C10orf71: variants seen among roughly 807,000 people sequenced by gnomAD.
C10orf71 encodes cardiac-enriched FHL2-interacting protein.
For synonymous variants in C10orf71, 758 were observed against 726.3 expected (o/e 1.04, Z -0.70); for missense variants, 1,869 against 1,804.5 (o/e 1.04, Z -0.65).
intron 2 of C10orf71, among the ~76,000 whole-genome samples, 170 bp downstream of exon 2, chr10:49,316,417 C>A (rs1404597564): frequency 3.3e-5 from 5 of 152,146 alleles, no homozygotes; most frequent in Non-Finnish European, 7.4e-5. Context: ...CTGAATAAAG[C>A]TAGCAACATG....
chr10:49,318,160 G>A (rs1849031063), intron 2 of C10orf71, among the ~76,000 whole-genome samples: 1 of 152,254 alleles, frequency 6.6e-6, no homozygotes, highest in African/African-American at 2.4e-5. Context: ...GCAGGAAGAA[G>A]AGCACTGACA....
In C10orf71 at chr10:49,327,412, C is replaced by G. The variant is rs1041126850; in HGVS notation, c.*559C>G. On this transcript the variant is annotated 3_prime_UTR_variant, in exon 3 of 3. Coordinates refer to ENST00000374144, the MANE Select transcript of C10orf71 (RefSeq NM_001135196.2). Reference sequence around the variant, plus strand: ...AATGGGTTTCCTTCACAGGGAGAAACTTGCCTCTGAAAGCTATTTTCTGAT... The same window carrying G: ...AATGGGTTTCCTTCACAGGGAGAAAGTTGCCTCTGAAAGCTATTTTCTGAT... 2 of 172,320 alleles carry G rather than the reference C, an allele frequency of 1.2e-5. No individual in the cohort carries two copies. Among genetic ancestry groups the G allele is most frequent in the Non-Finnish European group, 1.4e-5 (1 of 71,464 alleles). 10.7% of individuals were successfully genotyped at this position (172,320 alleles called of 1,614,324 possible).
intron 1 of C10orf71, among the ~76,000 whole-genome samples, chr10:49,299,848 A>G (rs2132391699): frequency 6.6e-6 from 1 of 152,332 alleles, no homozygotes; most frequent in East Asian, 1.9e-4. Context: ...GCGCTGGGCC[A>G]GGCAGGGTCA....
chr10:49,309,195 A>G (rs1848868961), intron 1 of C10orf71, among the ~76,000 whole-genome samples: 1 of 152,188 alleles, frequency 6.6e-6, no homozygotes, highest in Non-Finnish European at 1.5e-5. Context: ...GTTGGCTGCT[A>G]TGGGCTGAAT....
chr10:49,324,272 C>T lies in C10orf71; in HGVS notation c.1727C>T (p.Pro576Leu), dbSNP rs1462608470. ...TASHINPQKD[P>L]TADPSEPSAD... Reference sequence around the variant, plus strand: ...TCACACATCAATCCCCAGAAGGACCCTACAGCTGACCCCAGTGAGCCCTCT... The same window carrying T: ...TCACACATCAATCCCCAGAAGGACCTTACAGCTGACCCCAGTGAGCCCTCT... The change falls in exon 3 of 3, where the codon CCT becomes CTT. Residue 576 changes from proline (P) to leucine (L), a missense_variant. Coordinates refer to ENST00000374144, the MANE Select transcript of C10orf71 (RefSeq NM_001135196.2). The T allele has an allele frequency of 6.2e-7, 1 of 1,613,844 alleles. No individual in the cohort carries two copies. The highest frequency in any genetic ancestry group is 1.3e-5 in the African/African-American group (1 of 74,908).
rs199866549 is a variant in C10orf71 at position 49,322,716 on chromosome 10, G to A, written c.171G>A (p.Pro57=). ...SFHDSYLAVS[P]DITRQVFGTF... ...ATGACTCCTATCTGGCTGTGTCCCC[G>A]GATATCACCCGACAGGTGTTTGGGA... is the stretch of plus-strand genomic sequence containing the variant. Residue 57 remains proline (P), a synonymous_variant, in exon 3 of 3, where the codon CCG becomes CCA. Transcript: ENST00000374144. 37 of 1,613,958 alleles carry A rather than the reference G, an allele frequency of 2.3e-5. No homozygotes were observed. Among genetic ancestry groups the A allele is most frequent in the Non-Finnish European group, 2.6e-5 (31 of 1,179,880 alleles).
At chr10:49,299,679 T>C (rs1848691893) in intron 1 of C10orf71, among the ~76,000 whole-genome samples, 1 of 152,200 alleles carries the variant, frequency 6.6e-6, no homozygotes, top group Non-Finnish European at 1.5e-5. Context: ...CGTGTACATG[T>C]GTGACTTTGT....
Position 49,325,288 on chromosome 10 carries a change from G to T in C10orf71, c.2743G>T (p.Gly915Cys). 2 of 1,551,726 alleles carry T rather than the reference G, an allele frequency of 1.3e-6. No individual in the cohort carries two copies. Among genetic ancestry groups the T allele is most frequent in the South Asian group, 2.4e-5 (2 of 84,042 alleles). The change falls in exon 3 of 3, where the codon GGT becomes TGT. Residue 915 changes from glycine (G) to cysteine (C), a missense_variant. Physicochemically the swap from Gly to Cys is radical, Grantham distance 159. Transcript: ENST00000374144. ...TGCCCCCGAAAACCAGGACATTCTT[G>T]GTACATCGACACCCACTAACACACG... is the stretch of plus-strand genomic sequence containing the variant. ...FCAPENQDIL[G>C]TSTPTNTRGT...
intron 1 of C10orf71, among the ~76,000 whole-genome samples, chr10:49,311,202 T>C (rs1022020740): frequency 6.6e-6 from 1 of 152,188 alleles, no homozygotes; most frequent in Non-Finnish European, 1.5e-5. Flanking sequence ...CCAGTGGGGC[T>C]CTGGTCCTAT....
At position 49,326,546 on chromosome 10, in the gene C10orf71, T is replaced by C. The variant is rs1849254125; in HGVS notation, c.4001T>C (p.Leu1334Pro). Residue 1334 changes from leucine (L) to proline (P), a missense_variant, in exon 3 of 3, where the codon CTG becomes CCG. Transcript: ENST00000374144. ...PPDALAAPYV[L>P]YPGFQPVPVT... ...GACGCCCTGGCCGCTCCCTATGTGC[T>C]GTACCCCGGCTTCCAGCCAGTGCCC... 2.6e-6 allele frequency: 4 copies of C among 1,550,524 alleles called. No homozygotes were observed. Among genetic ancestry groups the C allele is most frequent in the African/African-American group, 1.4e-5 (1 of 73,116 alleles).
In C10orf71 at chr10:49,325,591, C is replaced by A. The variant is rs1849214754; in HGVS notation, c.3046C>A (p.Pro1016Thr). 1 of 1,550,586 alleles carries A rather than the reference C, an allele frequency of 6.4e-7. No individual in the cohort carries two copies. Among genetic ancestry groups the A allele is most frequent in the Admixed American group, 2.0e-5 (1 of 50,994 alleles). The stretch of plus-strand genomic sequence containing the variant: ...CGAGGGTGACATAGAAGACCAGCCA[C>A]CCCCATGGCAGCCCGAAAACTGTTG... Reference protein sequence around the residue: ...LPEGDIEDQPPPWQPENCWEE... With the variant: ...LPEGDIEDQPTPWQPENCWEE... The change falls in exon 3 of 3, where the codon CCC becomes ACC. Residue 1016 changes from proline (P) to threonine (T), a missense_variant. Pro to Thr is a conservative substitution (Grantham distance 38). Transcript: ENST00000374144.
At chr10:49,313,703 G>A (rs979120730) in intron 1 of C10orf71, among the ~76,000 whole-genome samples, 1 of 152,190 alleles carries the variant, frequency 6.6e-6, no homozygotes, top group Admixed American at 6.5e-5. Flanking sequence ...CTGGGAGGAG[G>A]AGGAGGAGGA....
At chr10:49,306,801 G>A (rs781286324) in intron 1 of C10orf71, among the ~76,000 whole-genome samples, 170 of 152,332 alleles carry the variant, frequency 1.1e-3, no homozygotes, top group Non-Finnish European at 1.2e-3. Flanking sequence ...AGAGCAGCAC[G>A]AGGACCTGTG....
rs1369795219 is a variant in C10orf71 at position 49,326,376 on chromosome 10, C to G, written c.3831C>G (p.Leu1277=). 2 of 1,550,580 alleles carry G rather than the reference C, an allele frequency of 1.3e-6. No homozygotes were observed. Among genetic ancestry groups the G allele is most frequent in the Admixed American group, 3.9e-5 (2 of 51,000 alleles). Residue 1277 remains leucine (L), a synonymous_variant, in exon 3 of 3, where the codon CTC becomes CTG. Transcript: ENST00000374144. ...LPAYPATQKV[L]QDPQSGEYFV... ...CGTACCCCGCCACCCAGAAGGTCCTCCAGGATCCGCAGTCCGGGGAGTACT... is the reference window on the plus strand; with the variant it reads ...CGTACCCCGCCACCCAGAAGGTCCTGCAGGATCCGCAGTCCGGGGAGTACT...
chr10:49,312,213 C>T lies in C10orf71; in HGVS notation c.-247-3932C>T, dbSNP rs1431880060. On this transcript the variant is annotated intron_variant, in intron 1 of 2. Transcript: ENST00000374144. ...AGGGCACTACCAGTTCACCCATGCA[C>T]ATATTCACAGTGGGCATGGCAGACC... is the stretch of plus-strand genomic sequence containing the variant. 2.0e-5 allele frequency among the ~76,000 whole-genome samples: 3 copies of T among 152,180 alleles called. No individual in the cohort carries two copies. The East Asian group carries it at 5.8e-4, about 29-fold the overall frequency.
intron 1 of C10orf71, among the ~76,000 whole-genome samples, chr10:49,305,569 G>A (rs1848798351): frequency 6.6e-6 from 1 of 152,180 alleles, no homozygotes; most frequent in African/African-American, 2.4e-5. Context: ...TCACTCACTT[G>A]TTTAGCAAAT....
At chr10:49,308,549 C>G (rs1848856808) in intron 1 of C10orf71, among the ~76,000 whole-genome samples, 1 of 152,196 alleles carries the variant, frequency 6.6e-6, no homozygotes, top group Non-Finnish European at 1.5e-5. Context: ...TATATCAAAT[C>G]TCTGCTTTAC....
At chr10:49,302,884 G>T (rs1488541957) in intron 1 of C10orf71, among the ~76,000 whole-genome samples, 1 of 152,170 alleles carries the variant, frequency 6.6e-6, no homozygotes, top group East Asian at 1.9e-4. Flanking sequence ...GGCAAATCTG[G>T]GTTCATAGGT....
intron 1 of C10orf71, among the ~76,000 whole-genome samples, chr10:49,313,847 G>A (rs1294294227): frequency 6.6e-6 from 1 of 152,184 alleles, no homozygotes; most frequent in East Asian, 1.9e-4. Flanking sequence ...GTGGGTGGGC[G>A]GAGGCGTGGA....
Sources: allele counts gnomAD v4.1 joint callset (sites outside exome capture counted in the v4.1 genomes callset), GRCh38; gene constraint gnomAD v4.1.1; transcripts MANE v1.5; gene names NCBI Gene and HGNC (gene_info 2026-07-23, HGNC 2026-07-21).